TNR: variants seen among roughly 807,000 people sequenced by gnomAD.
TNR encodes tenascin R, also known as tenascin-R.
In TNR, 45 loss-of-function variants were observed where a neutral mutation model predicts 150.4. The ratio of observed to expected loss-of-function variants is 0.30; its 90% CI spans 0.24 to 0.38. TNR has a LOEUF of 0.38. Among genes scored for constraint, TNR ranks in the 10% least tolerant of loss-of-function variants. The pLI is 1.00. For missense variants in TNR, 1,544 were observed against 1,759.1 expected (o/e 0.88, Z 2.19); for synonymous variants, 687 against 678.4 (o/e 1.01, Z -0.20).
intron 2 of TNR, among the ~76,000 whole-genome samples, chr1:175,408,201 C>T (rs1461087679): frequency 6.6e-6 from 1 of 152,198 alleles, no homozygotes; most frequent in East Asian, 1.9e-4. Flanking sequence ...GTCTTATCTG[C>T]AATGTGTGAC....
intron 1 of TNR, among the ~76,000 whole-genome samples, chr1:175,662,502 C>T (rs1665409342): frequency 6.6e-6 from 1 of 152,224 alleles, no homozygotes; most frequent in Non-Finnish European, 1.5e-5. Context: ...AGGCCTAATG[C>T]TTCCTCTGTA....
At chr1:175,331,011 T>TTCTTTCTTTCTTTCTTTCTTTC (rs1649736082) in intron 20 of TNR, among the ~76,000 whole-genome samples, 4 of 51,836 alleles carry the variant, frequency 7.7e-5, no homozygotes, top group Non-Finnish European at 1.5e-4. Flanking sequence ...CTTTCTTTCT[T>TTCTTTCTTTCTTTCTTTCTTTC]TCTTTCTTTC....
intron 1 of TNR, among the ~76,000 whole-genome samples, chr1:175,547,928 T>C (rs1279310210): frequency 1.3e-5 from 2 of 152,174 alleles, no homozygotes; most frequent in African/African-American, 4.8e-5. Flanking sequence ...ACAATTAAAG[T>C]CCATAAAAAA....
At chr1:175,468,311 G>A (rs1488882191) in intron 2 of TNR, among the ~76,000 whole-genome samples, 1 of 152,170 alleles carries the variant, frequency 6.6e-6, no homozygotes, top group Non-Finnish European at 1.5e-5. Context: ...ATATATGGAT[G>A]GAAACAACAA....
At chr1:175,368,111 T>C (rs1651923630) in intron 9 of TNR, among the ~76,000 whole-genome samples, 1 of 152,234 alleles carries the variant, frequency 6.6e-6, no homozygotes, top group African/African-American at 2.4e-5. Flanking sequence ...ATTTTCAGAC[T>C]AACTGGTTTG....
chr1:175,517,867 G>T (rs577443319), intron 2 of TNR, among the ~76,000 whole-genome samples: 240 of 152,210 alleles, frequency 1.6e-3, no homozygotes, highest in African/African-American at 5.6e-3. Flanking sequence ...TCTACCCACT[G>T]TGCATGTTTC....
intron 1 of TNR, among the ~76,000 whole-genome samples, chr1:175,593,044 C>T (rs1662862259): frequency 6.6e-6 from 1 of 152,162 alleles, no homozygotes; most frequent in South Asian, 2.1e-4. Context: ...TCCATTGCAT[C>T]TCTGACTGGG....
At chr1:175,550,140 A>G (rs1260281090) in intron 1 of TNR, among the ~76,000 whole-genome samples, 1 of 152,218 alleles carries the variant, frequency 6.6e-6, no homozygotes, top group East Asian at 1.9e-4. Flanking sequence ...GAAGAACAGA[A>G]AAAGCACCTG....
At chr1:175,720,943 C>T (rs1667281780) in intron 1 of TNR, among the ~76,000 whole-genome samples, 3 of 152,256 alleles carry the variant, frequency 2.0e-5, no homozygotes, top group Non-Finnish European at 4.4e-5. Flanking sequence ...TTACGCCACA[C>T]TGAGAAGGGC....
At chr1:175,635,544 G>T (rs1339432235) in intron 1 of TNR, among the ~76,000 whole-genome samples, 2 of 152,162 alleles carry the variant, frequency 1.3e-5, no homozygotes, top group African/African-American at 4.8e-5. Flanking sequence ...TAATTATCTT[G>T]TATTGCACTG....
At chr1:175,410,268 C>A (rs1306076674) in intron 2 of TNR, among the ~76,000 whole-genome samples, 2 of 152,130 alleles carry the variant, frequency 1.3e-5, no homozygotes, top group African/African-American at 4.8e-5. Flanking sequence ...CCAGGTCATG[C>A]CCAGCCTTGT....
chr1:175,741,127 T>C (rs1259872901), intron 1 of TNR, among the ~76,000 whole-genome samples: 2 of 152,208 alleles, frequency 1.3e-5, no homozygotes, highest in Non-Finnish European at 2.9e-5. Context: ...CTGAGTTCCC[T>C]AAAAGGCTTT....
At chr1:175,445,809 G>T (rs151325396) in intron 2 of TNR, among the ~76,000 whole-genome samples, 37 of 152,312 alleles carry the variant, frequency 2.4e-4, no homozygotes, top group Admixed American at 3.9e-4. Flanking sequence ...TATGATTGCA[G>T]TTGTACGTTG....
At chr1:175,413,612 CAA>C (rs1654308232) in intron 2 of TNR, among the ~76,000 whole-genome samples, 1 of 152,034 alleles carries the variant, frequency 6.6e-6, no homozygotes, top group Admixed American at 6.5e-5. Context: ...TCAGATGAGT[CAA>C]AGAGACTAGA....
rs75588651 is a variant in TNR, at chr1:175,550,503, C to G, written c.-164-22134G>C. On this transcript the variant is annotated intron_variant, in intron 1 of 22. Transcript: ENST00000367674. Reference sequence around the variant, plus strand: ...CCATGGAACTCTTCCCCCCTCACCCCCCATCCTTTTCCCCTTTCCCTCACC... The same window carrying G: ...CCATGGAACTCTTCCCCCCTCACCCGCCATCCTTTTCCCCTTTCCCTCACC... Among the ~76,000 whole-genome samples the G allele has an allele frequency of 3.5e-3, 528 of 152,100 alleles. 8 individuals are homozygous for G. Among genetic ancestry groups the G allele is most frequent in the East Asian group, 0.032 (167 of 5,156 alleles).
At chr1:175,646,735 T>G (rs1664820715) in intron 1 of TNR, among the ~76,000 whole-genome samples, 1 of 152,198 alleles carries the variant, frequency 6.6e-6, no homozygotes, top group African/African-American at 2.4e-5. Context: ...AATGGACTAG[T>G]CCCTGCTCCT....
At chr1:175,501,000 A>G (rs1658710501) in intron 2 of TNR, among the ~76,000 whole-genome samples, 8 of 152,042 alleles carry the variant, frequency 5.3e-5, no homozygotes, top group Admixed American at 5.2e-4. Flanking sequence ...TGGTATACAT[A>G]CCCTGCATGA....
At chr1:175,741,187 A>G (rs1667917687) in intron 1 of TNR, among the ~76,000 whole-genome samples, 2 of 152,222 alleles carry the variant, frequency 1.3e-5, no homozygotes, top group African/African-American at 2.4e-5. Context: ...TCTCCTGCAC[A>G]TGAGCATTAC....
chr1:175,368,868 G>C (rs1651957847), intron 9 of TNR, among the ~76,000 whole-genome samples: 1 of 152,182 alleles, frequency 6.6e-6, no homozygotes. Flanking sequence ...AGAATCGCTT[G>C]AACCTGGGAG....
Sources: gnomAD v4.1 joint callset for allele counts (sites outside exome capture counted in the v4.1 genomes callset) on GRCh38, gnomAD v4.1.1 for gene constraint, MANE v1.5 for transcripts, NCBI Gene and HGNC (gene_info 2026-07-23, HGNC 2026-07-21) for gene names.